CCDC12: variants seen among roughly 807,000 people sequenced by gnomAD.
CCDC12 encodes the protein coiled-coil domain-containing protein 12.
A neutral mutation model predicts 25.7 loss-of-function variants in CCDC12; 28 were observed. That is an observed-to-expected ratio of 1.09 (90% CI 0.81 to 1.50). CCDC12 has a LOEUF of 1.50. CCDC12 is among the 40% of genes most tolerant of loss of function. The probability of loss-of-function intolerance (pLI) is 0.00; values close to 1 mark genes in which losing one functional copy is unlikely to be tolerated. For missense variants in CCDC12, 198 were observed against 210.0 expected, an observed-to-expected ratio of 0.94 and a Z score of 0.35; for synonymous variants, 75 against 87.7, an observed-to-expected ratio of 0.86 and a Z score of 0.81.
chr3:46,965,293 T>C (rs1359171142), intron 1 of CCDC12, among the ~76,000 whole-genome samples: 2 of 152,212 alleles, frequency 1.3e-5, no homozygotes, highest in African/African-American at 2.4e-5. Flanking sequence ...GAACACAACT[T>C]ACACCTTGTA....
chr3:46,980,930 G>A (rs2035286463), upstream of CCDC12, among the ~76,000 whole-genome samples: 1 of 152,192 alleles, frequency 6.6e-6, no homozygotes, highest in Admixed American at 6.5e-5. Context: ...GTTTGTCAGT[G>A]GGGGGAATTC....
chr3:46,942,849 C>A (rs1305277383), intron 1 of CCDC12, among the ~76,000 whole-genome samples: 1 of 151,866 alleles, frequency 6.6e-6, no homozygotes, highest in Admixed American at 6.6e-5. Context: ...ATGGGCTGGG[C>A]AGAATTGGGT....
intron 1 of CCDC12, among the ~76,000 whole-genome samples, chr3:46,967,530 T>A (rs2034677052): frequency 6.6e-6 from 1 of 152,138 alleles, no homozygotes; most frequent in African/African-American, 2.4e-5. Flanking sequence ...TCCATCCCCG[T>A]CTCAGAACTC....
intron 1 of CCDC12, among the ~76,000 whole-genome samples, chr3:46,960,521 T>C (rs915200879): frequency 2.6e-5 from 4 of 152,196 alleles, no homozygotes; most frequent in African/African-American, 4.8e-5. Flanking sequence ...CTCCAGCCAC[T>C]CACATTTTCT....
At chr3:46,956,857 G>A (rs779813399) in intron 1 of CCDC12, among the ~76,000 whole-genome samples, 1 of 151,528 alleles carries the variant, frequency 6.6e-6, no homozygotes, top group Admixed American at 6.6e-5. Context: ...TTCATACAAC[G>A]TAAATATCCG....
intron 1 of CCDC12, among the ~76,000 whole-genome samples, chr3:46,957,104 C>T (rs756661767): frequency 2.6e-4 from 40 of 152,286 alleles, no homozygotes; most frequent in Non-Finnish European, 4.7e-4. Context: ...CACTCACTTT[C>T]CCAGCCTGCC....
At chr3:46,968,651 C>T (rs947591689) in intron 1 of CCDC12, among the ~76,000 whole-genome samples, 1 of 152,168 alleles carries the variant, frequency 6.6e-6, no homozygotes, top group Admixed American at 6.5e-5. Flanking sequence ...GATCTGTCTC[C>T]AAAGTCCATT....
At chr3:46,954,700 C>A (rs1055649945) in intron 1 of CCDC12, among the ~76,000 whole-genome samples, 1 of 152,140 alleles carries the variant, frequency 6.6e-6, no homozygotes, top group Non-Finnish European at 1.5e-5. Flanking sequence ...CCGAGGCGGG[C>A]AGATCACAAG....
rs966161718 is a variant in CCDC12 at position 46,947,398 on chromosome 3, G to A, written c.97-6333C>T. 5.3e-5 allele frequency among the ~76,000 whole-genome samples: 8 copies of A among 152,344 alleles called. 1 individual carries two copies. The highest frequency in any genetic ancestry group is 3.3e-4 in the Admixed American group (5 of 15,308). On this transcript the variant is annotated intron_variant, in intron 1 of 6. Transcript: ENST00000683445. ...GGGGTGGAGGGACTTCCTGTCGGGTGCTGCCGTGGTGGGAGCTGTGTTCCA... is the reference window on the plus strand; with the variant it reads ...GGGGTGGAGGGACTTCCTGTCGGGTACTGCCGTGGTGGGAGCTGTGTTCCA...
chr3:46,936,634 ATCTG>A (rs763305864), intron 2 of CCDC12, among the ~76,000 whole-genome samples: 7 of 152,098 alleles, frequency 4.6e-5, no homozygotes, highest in Non-Finnish European at 7.4e-5. Context: ...ACCTTACTCC[ATCTG>A]TCTATGTCCT....
At chr3:46,966,508 TC>T (rs1378932506) in intron 1 of CCDC12, among the ~76,000 whole-genome samples, 1 of 150,904 alleles carries the variant, frequency 6.6e-6, no homozygotes, top group Admixed American at 6.6e-5. Context: ...AGAGTGAGAC[TC>T]TGTCTCAAAA....
chr3:46,929,740 G>A (rs2033127563), intron 2 of CCDC12, among the ~76,000 whole-genome samples: 1 of 152,082 alleles, frequency 6.6e-6, no homozygotes, highest in South Asian at 2.1e-4. Flanking sequence ...AGAGATGGGG[G>A]TCTTGGCTGG....
intron 1 of CCDC12, among the ~76,000 whole-genome samples, chr3:46,956,429 G>A (rs916707134): frequency 3.9e-5 from 6 of 152,190 alleles, no homozygotes; most frequent in African/African-American, 7.2e-5. Flanking sequence ...AAGAGAAAGC[G>A]GACTGCATGA....
At chr3:46,970,284 A>ATTTT (rs35814822) in intron 1 of CCDC12, among the ~76,000 whole-genome samples, 1 of 150,478 alleles carries the variant, frequency 6.6e-6, no homozygotes, top group Admixed American at 6.6e-5. Flanking sequence ...ATTTTTTGTG[A>ATTTT]TTTTTTTTTT....
chr3:46,930,850 T>C (rs991570836), intron 2 of CCDC12, among the ~76,000 whole-genome samples: 2 of 152,100 alleles, frequency 1.3e-5, no homozygotes, highest in Non-Finnish European at 2.9e-5. Flanking sequence ...TTTGCCCCAC[T>C]TGCCTCTCTA....
At chr3:46,974,569 G>GATAA (rs2034908284) in intron 1 of CCDC12, among the ~76,000 whole-genome samples, 1 of 151,958 alleles carries the variant, frequency 6.6e-6, no homozygotes, top group Admixed American at 6.5e-5. Context: ...CAATTTAGGG[G>GATAA]CTGTCTGATA....
chr3:46,962,203 G>C (rs2034483910), intron 1 of CCDC12, among the ~76,000 whole-genome samples: 1 of 152,064 alleles, frequency 6.6e-6, no homozygotes, highest in African/African-American at 2.4e-5. Flanking sequence ...GGAGGCTGAG[G>C]GGGGTGGATC....
At chr3:46,981,707 G>C (rs1184063401), upstream of CCDC12, among the ~76,000 whole-genome samples, 7 of 152,174 alleles carry the variant, frequency 4.6e-5, no homozygotes, top group Non-Finnish European at 8.8e-5. Context: ...GGCAGGTAAA[G>C]GGGGCTTAAA....
At chr3:46,981,543 G>C (rs1224514191), upstream of CCDC12, among the ~76,000 whole-genome samples, 1 of 152,168 alleles carries the variant, frequency 6.6e-6, no homozygotes, top group Non-Finnish European at 1.5e-5. Flanking sequence ...ACCAGAGAAG[G>C]CTCCTGTTTT....
Sources: gnomAD v4.1 joint callset for allele counts (sites outside exome capture counted in the v4.1 genomes callset) on GRCh38, gnomAD v4.1.1 for gene constraint, MANE v1.5 for transcripts, NCBI Gene and HGNC (gene_info 2026-07-23, HGNC 2026-07-21) for gene names.